CLCN5: variants seen among roughly 807,000 people sequenced by gnomAD.
CLCN5 encodes Cl-/H+ antiporter 5, also known as H(+)/Cl(-) exchange transporter 5.
CLCN5 carries 17 observed loss-of-function variants against 54.0 expected under a neutral mutation model. That is an observed-to-expected ratio of 0.31 (90% CI 0.22 to 0.47). The LOEUF is 0.47. Ranked by LOEUF, CLCN5 falls within the 20% of genes least tolerant of loss-of-function variation. CLCN5 has a pLI of 1.00. For missense variants in CLCN5, 448 were observed against 646.7 expected, an observed-to-expected ratio of 0.69 and a Z score of 3.33; for synonymous variants, 222 against 233.0, an observed-to-expected ratio of 0.95 and a Z score of 0.43.
At chrX:50,079,695 C>G (rs782412066) in intron 7 of CLCN5, among the ~76,000 whole-genome samples, 34 of 110,941 alleles carry the variant, frequency 3.1e-4, no homozygotes, top group African/African-American at 1.1e-3. Context: ...TCTGTGGTAC[C>G]AAAATTTTCT....
intron 3 of CLCN5, among the ~76,000 whole-genome samples, chrX:50,018,673 G>A (rs979637552): frequency 8.9e-5 from 10 of 111,894 alleles, no homozygotes; most frequent in South Asian, 7.4e-4. Context: ...TGGGTGTTGC[G>A]TATTGTCAAA....
intron 3 of CLCN5, among the ~76,000 whole-genome samples, chrX:49,930,234 CA>C (rs1233690720): frequency 9.0e-6 from 1 of 111,602 alleles, no homozygotes; most frequent in Non-Finnish European, 1.9e-5. Flanking sequence ...TCACTGTTGG[CA>C]AGGACTCAAG....
At chrX:49,935,454 G>T (rs187673719) in intron 3 of CLCN5, among the ~76,000 whole-genome samples, 72 of 112,342 alleles carry the variant, frequency 6.4e-4, no homozygotes, top group East Asian at 4.2e-3. Context: ...TTAAAGCAGT[G>T]AATACAAAAG....
chrX:50,017,457 T>C (rs1371363371), intron 3 of CLCN5, among the ~76,000 whole-genome samples: 1 of 112,336 alleles, frequency 8.9e-6, no homozygotes, highest in African/African-American at 3.2e-5. Context: ...ACAGTGGCTT[T>C]TGCAGAGCAG....
intron 6 of CLCN5, among the ~76,000 whole-genome samples, chrX:50,075,386 A>G (rs1557191989): frequency 1.8e-5 from 2 of 111,157 alleles, no homozygotes; most frequent in Admixed American, 9.7e-5. Flanking sequence ...ATATATGTAT[A>G]TATGTATATG....
intron 3 of CLCN5, among the ~76,000 whole-genome samples, chrX:49,993,861 G>A (rs1258890741): frequency 4.5e-5 from 5 of 111,888 alleles, no homozygotes; most frequent in African/African-American, 1.6e-4. Flanking sequence ...CTGTGGGGCA[G>A]CTGGGAAGCA....
At chrX:49,966,101 T>C (rs1477623113) in intron 3 of CLCN5, among the ~76,000 whole-genome samples, 1 of 111,346 alleles carries the variant, frequency 9.0e-6, no homozygotes, top group Non-Finnish European at 1.9e-5. Flanking sequence ...AGAATAATAT[T>C]GGTCTCATAG....
At chrX:50,002,717 G>GT (rs1557180644) in intron 3 of CLCN5, among the ~76,000 whole-genome samples, 19 of 105,949 alleles carry the variant, frequency 1.8e-4, no homozygotes, top group African/African-American at 6.6e-4. Flanking sequence ...GTGTGTGTGT[G>GT]GTGTGTGTGT....
chrX:50,002,681 C>G (rs74350509), intron 3 of CLCN5, among the ~76,000 whole-genome samples: 5,145 of 94,655 alleles, frequency 0.054, 144 homozygotes, highest in African/African-American at 0.084. Context: ...CTCTCTCTCT[C>G]TGTGTGTGTG....
intron 3 of CLCN5, among the ~76,000 whole-genome samples, chrX:49,929,304 A>G (rs1557168504): frequency 8.9e-6 from 1 of 112,369 alleles, no homozygotes; most frequent in African/African-American, 3.2e-5. Flanking sequence ...GCCACTTTAA[A>G]CAGTGTACTG....
chrX:49,922,964 AGAG>A (rs1569536406), intron 1 of CLCN5, among the ~76,000 whole-genome samples, 172 bp downstream of exon 1: 1 of 112,753 alleles, frequency 8.9e-6, no homozygotes, highest in Admixed American at 9.2e-5. Flanking sequence ...CCCGGCGCTT[AGAG>A]GAGGTAGACA....
At chrX:49,999,409 C>CT (rs782377247) in intron 3 of CLCN5, among the ~76,000 whole-genome samples, 1,122 of 91,247 alleles carry the variant, frequency 0.012, 9 homozygotes, top group Middle Eastern at 0.027. Flanking sequence ...GTGGACTTTG[C>CT]TTTTTTTTTT....
chrX:50,067,240 T>C (rs1298306613), intron 4 of CLCN5, among the ~76,000 whole-genome samples: 2 of 112,104 alleles, frequency 1.8e-5, no homozygotes, highest in Non-Finnish European at 3.8e-5. Flanking sequence ...CAGCATTAGG[T>C]TTGTGAGACT....
chrX:50,034,154 GTAAC>G lies in CLCN5; in HGVS notation c.17-8158_17-8155del, dbSNP rs1455730008. Among the ~76,000 whole-genome samples the G allele has an allele frequency of 3.0e-3, 338 of 112,061 alleles. 2 individuals are homozygous for G. Among genetic ancestry groups the G allele is most frequent in the African/African-American group, 0.01 (323 of 30,838 alleles). On this transcript the variant is annotated intron_variant, in intron 3 of 14. Coordinates refer to ENST00000376091, the MANE Select transcript of CLCN5 (RefSeq NM_001127898.4). ...TTTGATTTCCATTTCTCAAAATAAA[GTAAC>G]TAAAACTGGAAATGGAGTATAAGCT...
chrX:49,933,281 G>A (rs782088804), intron 3 of CLCN5, among the ~76,000 whole-genome samples: 6 of 112,060 alleles, frequency 5.4e-5, no homozygotes, highest in Admixed American at 9.5e-5. Flanking sequence ...TGAGTTCCTT[G>A]TCTCTCTTCA....
chrX:50,082,796 C>T (rs1432288019), intron 9 of CLCN5, among the ~76,000 whole-genome samples: 5 of 111,893 alleles, frequency 4.5e-5, no homozygotes, highest in Admixed American at 2.8e-4. Flanking sequence ...TGGAATAGTA[C>T]ATATAAGTGC....
chrX:50,017,396 T>C (rs782456486), intron 3 of CLCN5, among the ~76,000 whole-genome samples: 5 of 112,373 alleles, frequency 4.4e-5, no homozygotes, highest in Non-Finnish European at 9.4e-5. Flanking sequence ...TTCTAAGATA[T>C]GTCTTTTGCA....
rs1928434890 is a variant in CLCN5 at position 49,975,524 on chromosome X, C to T, written c.16+50210C>T. Among the ~76,000 whole-genome samples the T allele has an allele frequency of 9.9e-5, 11 of 111,549 alleles. No individual in the cohort carries two copies. In the Admixed American group the frequency reaches 1.0e-3, roughly 11 times the overall value. ...CTGGCAGTTTTCTGACTCTCATCCT[C>T]TTATCATCTTTGCATATGCCCTGCC... On this transcript the variant is annotated intron_variant, in intron 3 of 14. Coordinates refer to ENST00000376091, the MANE Select transcript of CLCN5 (RefSeq NM_001127898.4).
intron 3 of CLCN5, among the ~76,000 whole-genome samples, chrX:49,973,505 C>T (rs782456901): frequency 2.8e-5 from 3 of 107,917 alleles, no homozygotes; most frequent in Admixed American, 2.0e-4. Context: ...TATCCCTCCC[C>T]ACTCCCCCCA....
Sources: allele counts gnomAD v4.1 joint callset (sites outside exome capture counted in the v4.1 genomes callset), GRCh38; gene constraint gnomAD v4.1.1; transcripts MANE v1.5; gene names NCBI Gene and HGNC (gene_info 2026-07-23, HGNC 2026-07-21).